Variants in ACVR1 observed in about 807,000 individuals in gnomAD.
The protein encoded by ACVR1 is activin A receptor type 1.
In ACVR1, 38 loss-of-function variants were observed where a neutral mutation model predicts 57.1. That is an observed-to-expected ratio of 0.67 (90% confidence interval 0.51 to 0.87). The LOEUF (loss-of-function observed/expected upper bound fraction) is 0.87, where lower values mean the gene tolerates loss of function less well. Among genes scored for constraint, ACVR1 ranks in the 40% least tolerant of loss-of-function variants. The pLI, the probability that ACVR1 is intolerant of heterozygous loss-of-function variation, is 0.00. For missense variants in ACVR1, 463 were observed against 638.2 expected (o/e 0.73, Z 2.96); for synonymous variants, 212 against 228.1 (o/e 0.93, Z 0.63).
intron 2 of ACVR1, among the ~76,000 whole-genome samples, chr2:157,802,907 T>G (rs1303834690): frequency 1.3e-5 from 2 of 152,160 alleles, no homozygotes; most frequent in Non-Finnish European, 2.9e-5. Context: ...AATTAGAATT[T>G]TTCCTGAATT....
intron 9 of ACVR1, among the ~76,000 whole-genome samples, chr2:157,750,839 A>G (rs1685161448): frequency 6.6e-6 from 1 of 152,196 alleles, no homozygotes; most frequent in African/African-American, 2.4e-5. Flanking sequence ...TTAAAAATAC[A>G]CAAATAAATT....
rs1188604873 is a variant in ACVR1, at chr2:157,807,862, GGGGT to G, written c.-7-8366_-7-8363del. On this transcript the variant is annotated intron_variant, in intron 2 of 10. Coordinates refer to ENST00000434821, the MANE Select transcript of ACVR1 (RefSeq NM_001111067.4). ...ATTAATCTATAATAATTTGGGGGGGGGGGTGGGTATAAGATGAAAGGAATGTCAA... is the reference window on the plus strand; with the variant it reads ...ATTAATCTATAATAATTTGGGGGGGGGGGTATAAGATGAAAGGAATGTCAA... Among the ~76,000 whole-genome samples the G allele has an allele frequency of 4.6e-5, 4 of 86,164 alleles. 1 individual carries two copies. Among genetic ancestry groups the G allele is most frequent in the African/African-American group, 1.7e-4 (4 of 24,046 alleles). The allele number at this position is 86,164 out of a possible 152,430, so 56.5% of individuals were successfully genotyped here.
intron 9 of ACVR1, among the ~76,000 whole-genome samples, chr2:157,743,431 G>C (rs969914095): frequency 7.2e-5 from 11 of 151,882 alleles, no homozygotes; most frequent in Admixed American, 1.3e-4. Context: ...CGGATATTCT[G>C]GGGATTTTTT....
At chr2:157,851,077 T>C (rs1355090532) in intron 1 of ACVR1, among the ~76,000 whole-genome samples, 3 of 152,116 alleles carry the variant, frequency 2.0e-5, no homozygotes, top group Admixed American at 6.5e-5. Context: ...CAAAGGGTGC[T>C]ATTTCAAAAA....
At chr2:157,816,092 T>C (rs966338956) in intron 2 of ACVR1, among the ~76,000 whole-genome samples, 1 of 152,148 alleles carries the variant, frequency 6.6e-6, no homozygotes, top group African/African-American at 2.4e-5. Context: ...AAAAAGCAAG[T>C]TGTAAAATAG....
intron 1 of ACVR1, among the ~76,000 whole-genome samples, chr2:157,828,553 A>G (rs2105341506): frequency 6.6e-6 from 1 of 151,626 alleles, no homozygotes; most frequent in South Asian, 2.1e-4. Context: ...CCTGGAAGGC[A>G]GAGGCTGCTG....
rs574517847 is a variant in ACVR1 at position 157,812,799 on chromosome 2, AAAATAAGTATGTTTCCTGGTCATAATCAG to A, written c.-8+5557_-8+5585del. On this transcript the variant is annotated intron_variant, in intron 2 of 10. Coordinates refer to ENST00000434821, the MANE Select transcript of ACVR1 (RefSeq NM_001111067.4). ...CCAAGTTTATTTTTAATAGAATAGC[AAAATAAGTATGTTTCCTGGTCATAATCAG>A]AAATCATGTATTAAAATAAAATTAA... 4.5e-3 allele frequency among the ~76,000 whole-genome samples: 693 copies of A among 152,338 alleles called. 17 individuals carry two copies. The highest frequency in any genetic ancestry group is 5.6e-3 in the East Asian group (29 of 5,182).
chr2:157,828,144 G>A (rs933310350), intron 1 of ACVR1, among the ~76,000 whole-genome samples: 1 of 151,832 alleles, frequency 6.6e-6, no homozygotes, highest in Non-Finnish European at 1.5e-5. Context: ...GCAAAACCTC[G>A]TCTCTACAAA....
chr2:157,839,478 G>C (rs1688903707), intron 1 of ACVR1, among the ~76,000 whole-genome samples: 1 of 152,210 alleles, frequency 6.6e-6, no homozygotes, highest in Non-Finnish European at 1.5e-5. Flanking sequence ...CCAGCCCCAG[G>C]CTGACAAGAC....
intron 1 of ACVR1, among the ~76,000 whole-genome samples, chr2:157,836,249 CT>C (rs1688779220): frequency 6.6e-6 from 1 of 152,170 alleles, no homozygotes; most frequent in Non-Finnish European, 1.5e-5. Context: ...AACATAAAGG[CT>C]TTATCTGTAA....
intron 9 of ACVR1, among the ~76,000 whole-genome samples, chr2:157,747,044 T>A (rs1220134): frequency 0.38 from 57,341 of 152,058 alleles, 13,643 homozygotes; most frequent in African/African-American, 0.68. Flanking sequence ...CTCCAAGAGA[T>A]CTATCTGGTC....
At chr2:157,742,970 A>G (rs1414490772) in intron 9 of ACVR1, among the ~76,000 whole-genome samples, 2 of 151,992 alleles carry the variant, frequency 1.3e-5, no homozygotes, top group African/African-American at 4.8e-5. Context: ...CCTCCTCTGC[A>G]TGTTTTCCAT....
intron 4 of ACVR1, 81 bp downstream of exon 4, chr2:157,780,256 T>C (rs1411843614): frequency 1.3e-6 from 2 of 1,591,686 alleles, no homozygotes; most frequent in Non-Finnish European, 1.7e-6. Flanking sequence ...GCCTCATAGC[T>C]ACTTAGATCT....
intron 1 of ACVR1, among the ~76,000 whole-genome samples, chr2:157,842,746 C>T (rs868410023): frequency 5.3e-5 from 8 of 152,114 alleles, no homozygotes; most frequent in Non-Finnish European, 1.0e-4. Context: ...CTTCCCCCAC[C>T]CCCTGAAAAT....
intron 1 of ACVR1, among the ~76,000 whole-genome samples, chr2:157,820,858 T>A (rs1305641150): frequency 2.0e-5 from 3 of 152,232 alleles, no homozygotes; most frequent in Non-Finnish European, 4.4e-5. Context: ...TATTCTTCAC[T>A]GTTTGGCCCT....
chr2:157,818,926 A>G (rs1199946469), intron 1 of ACVR1, among the ~76,000 whole-genome samples: 5 of 151,214 alleles, frequency 3.3e-5, no homozygotes, highest in Non-Finnish European at 7.4e-5. Flanking sequence ...AAAATACAAA[A>G]AATTAGCCGG....
At chr2:157,849,144 A>G (rs1159823105) in intron 1 of ACVR1, among the ~76,000 whole-genome samples, 1 of 152,224 alleles carries the variant, frequency 6.6e-6, no homozygotes. Flanking sequence ...GTAATGGACC[A>G]ATACTTTTGT....
chr2:157,757,006 GATATATATATATTTGATATATATATAT>G (rs1685457987), intron 9 of ACVR1, among the ~76,000 whole-genome samples: 1 of 129,600 alleles, frequency 7.7e-6, no homozygotes, highest in Non-Finnish European at 1.6e-5. Context: ...ATATATTTGA[GATATATATATATTTGATATATATATAT>G]ATATATATAT....
At chr2:157,773,093 C>T (rs1383023815) in intron 6 of ACVR1, among the ~76,000 whole-genome samples, 3 of 152,140 alleles carry the variant, frequency 2.0e-5, no homozygotes, top group East Asian at 1.9e-4. Context: ...ATCCAGCCCT[C>T]GGAAACCATG....
Sources: gnomAD v4.1 joint callset for allele counts (sites outside exome capture counted in the v4.1 genomes callset) on GRCh38, gnomAD v4.1.1 for gene constraint, MANE v1.5 for transcripts, NCBI Gene and HGNC (gene_info 2026-07-23, HGNC 2026-07-21) for gene names.